Variants in FAM227B observed in about 807,000 individuals in gnomAD.
The protein encoded by FAM227B is protein FAM227B.
FAM227B carries 88 observed loss-of-function variants against 73.8 expected under a neutral mutation model. The observed-to-expected ratio is 1.19, with a 90% CI of 1.00 to 1.42. The LOEUF (loss-of-function observed/expected upper bound fraction) is 1.42. FAM227B is among the 40% of genes most tolerant of loss of function. The pLI, the probability that FAM227B is intolerant of heterozygous loss-of-function variation, is 0.00. For synonymous variants in FAM227B, 210 were observed against 190.5 expected (o/e 1.10, Z -0.84); for missense variants, 632 against 590.9 (o/e 1.07, Z -0.72).
At chr15:49,582,503 G>C (rs1275865479) in intron 5 of FAM227B, among the ~76,000 whole-genome samples, 1 of 152,162 alleles carries the variant, frequency 6.6e-6, no homozygotes, top group Non-Finnish European at 1.5e-5. Flanking sequence ...CCTTCAAAGA[G>C]ACTTAGACTC....
intron 9 of FAM227B, among the ~76,000 whole-genome samples, chr15:49,557,029 G>A (rs1028456702): frequency 6.6e-6 from 1 of 152,084 alleles, no homozygotes; most frequent in African/African-American, 2.4e-5. Flanking sequence ...AGAAGTCCTT[G>A]TGCATGGTAG....
At chr15:49,426,338 A>T (rs1191858503) in intron 11 of FAM227B, among the ~76,000 whole-genome samples, 2 of 152,012 alleles carry the variant, frequency 1.3e-5, no homozygotes, top group East Asian at 1.9e-4. Context: ...AGATGAAAGT[A>T]ATAGGATAAG....
rs778516166 is a variant in FAM227B, at chr15:49,588,012, ATACCAT to A, written c.403_405+3del. The A allele has an allele frequency of 6.9e-7, 1 of 1,450,756 alleles. No homozygotes were observed. Among genetic ancestry groups the A allele is most frequent in the South Asian group, 1.4e-5 (1 of 70,706 alleles). 89.9% of individuals were successfully genotyped at this position (1,450,756 alleles called of 1,614,324 possible). A position where few individuals can be genotyped will look rare whatever the true frequency, so the allele number is the denominator to read the frequency against. On this transcript the variant is annotated splice_donor_variant and splice_donor_region_variant and coding_sequence_variant and intron_variant, in exon 5 of 16. Transcript: ENST00000299338. LOFTEE classifies it high-confidence loss of function. ...CAAGGATGATAAAAACATAGATACC[ATACCAT>A]TATCTTTTTTTTCTTATGGTACTTC...
At position 49,397,651 on chromosome 15, in the gene FAM227B, T is replaced by C. The variant is rs543636339; in HGVS notation, c.1013-26252A>G. ...TCCATCAGACTAACAGCGGATCTCT[T>C]GGCAGAAACCCTACAAGCCAGAAGA... On this transcript the variant is annotated intron_variant, in intron 11 of 15. Coordinates refer to ENST00000299338, the MANE Select transcript of FAM227B (RefSeq NM_152647.3). 7.6e-3 allele frequency among the ~76,000 whole-genome samples: 1,153 copies of C among 152,316 alleles called. 5 individuals are homozygous for C. The highest frequency in any genetic ancestry group is 0.017 in the Middle Eastern group (5 of 294).
intron 10 of FAM227B, among the ~76,000 whole-genome samples, chr15:49,525,656 G>C (rs2060112650): frequency 1.1e-5 from 1 of 94,764 alleles, no homozygotes; most frequent in Non-Finnish European, 2.2e-5. Context: ...CAAAGTTAAA[G>C]GGTGGAGAAA....
intron 9 of FAM227B, 54 bp from the exon 10 acceptor site, chr15:49,541,860 T>C (rs956748090): frequency 2.5e-6 from 3 of 1,191,538 alleles, no homozygotes; most frequent in South Asian, 3.1e-5. Flanking sequence ...TTTTAATATA[T>C]GTCAGCTGCC....
chr15:49,578,202 C>T (rs1023281327), intron 5 of FAM227B, among the ~76,000 whole-genome samples: 4 of 152,148 alleles, frequency 2.6e-5, no homozygotes, highest in Non-Finnish European at 4.4e-5. Context: ...CTTGAGCTGT[C>T]ACTGGATGGT....
chr15:49,443,223 T>G (rs2051842808), intron 11 of FAM227B, among the ~76,000 whole-genome samples: 1 of 151,686 alleles, frequency 6.6e-6, no homozygotes, highest in Non-Finnish European at 1.5e-5. Flanking sequence ...TAGAATGAAA[T>G]AAATTACATT....
chr15:49,385,410 T>C (rs1176341187), intron 11 of FAM227B, among the ~76,000 whole-genome samples: 1 of 151,824 alleles, frequency 6.6e-6, no homozygotes, highest in Non-Finnish European at 1.5e-5. Flanking sequence ...ATAAACTTGG[T>C]AAGTGGATAA....
At chr15:49,439,706 A>T (rs1211566235) in intron 11 of FAM227B, among the ~76,000 whole-genome samples, 1 of 151,786 alleles carries the variant, frequency 6.6e-6, no homozygotes, top group Non-Finnish European at 1.5e-5. Flanking sequence ...CTCAGGAGGA[A>T]CGTGGCTCTC....
intron 11 of FAM227B, among the ~76,000 whole-genome samples, chr15:49,477,016 C>A (rs1190905933): frequency 6.6e-6 from 1 of 151,210 alleles, no homozygotes; most frequent in Non-Finnish European, 1.5e-5. Flanking sequence ...GCGGAGATCC[C>A]GCCACTGCAC....
At chr15:49,567,057 A>G (rs2074715068) in intron 9 of FAM227B, among the ~76,000 whole-genome samples, 1 of 152,142 alleles carries the variant, frequency 6.6e-6, no homozygotes, top group African/African-American at 2.4e-5. Context: ...CTGTACTAAA[A>G]CATGCTTGAT....
At chr15:49,473,438 C>T (rs1040848636) in intron 11 of FAM227B, among the ~76,000 whole-genome samples, 1 of 152,052 alleles carries the variant, frequency 6.6e-6, no homozygotes, top group African/African-American at 2.4e-5. Context: ...GTATATTTGA[C>T]AATTTACAGT....
rs191737644 is a variant in FAM227B at position 49,415,275 on chromosome 15, T to C, written c.1013-43876A>G. 3.5e-3 allele frequency among the ~76,000 whole-genome samples: 531 copies of C among 152,278 alleles called. 5 individuals are homozygous for C. Among genetic ancestry groups the C allele is most frequent in the Non-Finnish European group, 5.5e-3 (375 of 68,018 alleles). ...TGACAATTTAGAGCTAACAATGTAA[T>C]AACCTCAATTGCACAAGGTCTTTGT... On this transcript the variant is annotated intron_variant, in intron 11 of 15. Transcript: ENST00000299338.
chr15:49,446,336 T>C (rs1412743974), intron 11 of FAM227B, among the ~76,000 whole-genome samples: 3 of 151,610 alleles, frequency 2.0e-5, no homozygotes, highest in Admixed American at 6.6e-5. Flanking sequence ...ACCTTCGATG[T>C]ACAGGTGACA....
intron 11 of FAM227B, among the ~76,000 whole-genome samples, chr15:49,447,692 G>C (rs562353166): frequency 5.3e-5 from 8 of 151,770 alleles, no homozygotes; most frequent in African/African-American, 1.7e-4. Flanking sequence ...GGTAAAACAT[G>C]CAATCAATTC....
At chr15:49,512,978 C>T (rs981847262) in intron 10 of FAM227B, among the ~76,000 whole-genome samples, 25 of 152,070 alleles carry the variant, frequency 1.6e-4, no homozygotes, top group African/African-American at 5.8e-4. Context: ...ATATGTAACA[C>T]AAAATTTTCT....
intron 11 of FAM227B, chr15:49,487,003 C>T (rs1259993850): frequency 1.3e-5 from 2 of 151,872 alleles, no homozygotes; most frequent in African/African-American, 2.4e-5. Context: ...TTAGCACATG[C>T]TTTCTACTCT....
Position 49,550,989 on chromosome 15 carries a change from A to G in FAM227B, c.748-9183T>C, listed in dbSNP as rs528680108. 5.9e-5 allele frequency among the ~76,000 whole-genome samples: 9 copies of G among 152,322 alleles called. 1 individual carries two copies. The South Asian group carries it at 6.2e-4, about 11-fold the overall frequency. On this transcript the variant is annotated intron_variant, in intron 9 of 15. Transcript: ENST00000299338. ...CACACCACTGCACTCCAGCCTGGGCACCATTGAGCACTGAGTGAACCAGAC... is the reference window on the plus strand; with the variant it reads ...CACACCACTGCACTCCAGCCTGGGCGCCATTGAGCACTGAGTGAACCAGAC...
Sources: gnomAD v4.1 joint callset for allele counts (sites outside exome capture counted in the v4.1 genomes callset) on GRCh38, gnomAD v4.1.1 for gene constraint, MANE v1.5 for transcripts, NCBI Gene and HGNC (gene_info 2026-07-23, HGNC 2026-07-21) for gene names.